The following IQCM variants were observed in gnomAD, a reference collection of about 807,000 sequenced individuals.
IQCM encodes the protein IQ domain-containing protein M.
In IQCM, 45 loss-of-function variants were observed where a neutral mutation model predicts 57.6. The observed-to-expected ratio is 0.78, with a 90% confidence interval of 0.62 to 1.00. The LOEUF is 1.00. Among genes scored for constraint, IQCM ranks in the 50% least tolerant of loss-of-function variants. The pLI is 0.00. For synonymous variants in IQCM, 148 were observed against 158.9 expected (o/e 0.93, Z 0.51); for missense variants, 468 against 511.6 (o/e 0.91, Z 0.82).
chr4:149,646,370 G>GT (rs199868228), intron 7 of IQCM, among the ~76,000 whole-genome samples: 26 of 150,284 alleles, frequency 1.7e-4, no homozygotes, highest in East Asian at 3.9e-4. Flanking sequence ...GATTCTTGAG[G>GT]TTTTTTTTTA....
Position 149,351,851 on chromosome 4 carries a change from C to A in IQCM, c.*100G>T. 5.0e-6 allele frequency: 2 copies of A among 396,134 alleles called. No homozygotes were observed. Among genetic ancestry groups the A allele is most frequent in the Non-Finnish European group, 8.9e-6 (2 of 224,828 alleles). The allele number at this position is 396,134 out of a possible 1,614,324, so 24.5% of individuals were successfully genotyped here. ...TCTTTCTATATTCAAAGATTTTTAT[C>A]CTTTCTTCCTACTCATACAGAATTG... On this transcript the variant is annotated 3_prime_UTR_variant, in exon 14 of 14. Coordinates refer to ENST00000636793, the MANE Select transcript of IQCM (RefSeq NM_001363507.2).
intron 2 of IQCM, among the ~76,000 whole-genome samples, chr4:149,770,115 T>G (rs1334658218): frequency 6.8e-6 from 1 of 147,240 alleles, no homozygotes; most frequent in African/African-American, 2.4e-5. Context: ...AAAAACTGGG[T>G]GAAGACACAA....
At chr4:149,465,349 C>T (rs1342259160) in intron 12 of IQCM, among the ~76,000 whole-genome samples, 1 of 151,996 alleles carries the variant, frequency 6.6e-6, no homozygotes, top group African/African-American at 2.4e-5. Flanking sequence ...TGTGGCACAG[C>T]CACTAGACAG....
chr4:149,356,525 T>C (rs970475303), intron 13 of IQCM, among the ~76,000 whole-genome samples: 1 of 152,264 alleles, frequency 6.6e-6, no homozygotes, highest in Non-Finnish European at 1.5e-5. Context: ...TGCTTGTTTT[T>C]CTCAGGTTTG....
chr4:149,363,782 C>A (rs1729652734), intron 13 of IQCM, among the ~76,000 whole-genome samples: 2 of 152,144 alleles, frequency 1.3e-5, no homozygotes, highest in Non-Finnish European at 2.9e-5. Context: ...AGACATATAG[C>A]TATTTAATAA....
intron 13 of IQCM, among the ~76,000 whole-genome samples, chr4:149,411,040 T>G (rs1733349915): frequency 6.6e-6 from 1 of 152,140 alleles, no homozygotes; most frequent in Non-Finnish European, 1.5e-5. Context: ...TCTTCTTTGT[T>G]GCCATTGATA....
At chr4:149,751,602 CT>C (rs1485177786) in intron 2 of IQCM, among the ~76,000 whole-genome samples, 2 of 152,178 alleles carry the variant, frequency 1.3e-5, no homozygotes, top group African/African-American at 4.8e-5. Flanking sequence ...ATTGTATAAT[CT>C]TTATATCTCA....
At chr4:149,615,222 A>G (rs1479962335) in intron 8 of IQCM, among the ~76,000 whole-genome samples, 1 of 152,138 alleles carries the variant, frequency 6.6e-6, no homozygotes, top group African/African-American at 2.4e-5. Context: ...CTTTTAAAGA[A>G]GAGTTATGAT....
At chr4:149,481,670 T>C (rs1430717057) in intron 12 of IQCM, among the ~76,000 whole-genome samples, 2 of 146,860 alleles carry the variant, frequency 1.4e-5, no homozygotes. Context: ...TGGTATATTT[T>C]GAAGTCATGT....
At chr4:149,799,238 G>T (rs147298541) in intron 2 of IQCM, among the ~76,000 whole-genome samples, 4,337 of 151,682 alleles carry the variant, frequency 0.029, 211 homozygotes, top group African/African-American at 0.099. Context: ...ATATGCTCCT[G>T]AAAGACCAGT....
At chr4:149,714,532 C>T (rs1234973058) in intron 5 of IQCM, among the ~76,000 whole-genome samples, 1 of 152,110 alleles carries the variant, frequency 6.6e-6, no homozygotes, top group African/African-American at 2.4e-5. Flanking sequence ...GTAGTACTCC[C>T]TTATCTGAGG....
chr4:149,521,857 G>A (rs955550784), intron 12 of IQCM, among the ~76,000 whole-genome samples: 1 of 152,182 alleles, frequency 6.6e-6, no homozygotes, highest in African/African-American at 2.4e-5. Context: ...GATGGGCCTG[G>A]AGAGCATGAG....
chr4:149,713,787 A>AGC (rs1453777291), intron 5 of IQCM, among the ~76,000 whole-genome samples: 1 of 152,116 alleles, frequency 6.6e-6, no homozygotes, highest in African/African-American at 2.4e-5. Flanking sequence ...ATATTACAAC[A>AGC]GCTCTCATCC....
At chr4:149,738,289 C>T (rs535800709) in intron 3 of IQCM, among the ~76,000 whole-genome samples, 1 of 152,170 alleles carries the variant, frequency 6.6e-6, no homozygotes, top group African/African-American at 2.4e-5. Flanking sequence ...TGGTGAGATA[C>T]GCACGTTTCC....
At chr4:149,490,655 C>T (rs1503691) in intron 12 of IQCM, among the ~76,000 whole-genome samples, 23,289 of 151,928 alleles carry the variant, frequency 0.15, 2,157 homozygotes, top group South Asian at 0.33. Context: ...TTCATTACAA[C>T]GCATTTTCCT....
At chr4:149,564,113 A>G (rs929459616) in intron 9 of IQCM, among the ~76,000 whole-genome samples, 6 of 152,318 alleles carry the variant, frequency 3.9e-5, no homozygotes, top group African/African-American at 1.4e-4. Flanking sequence ...CCTTCTAATG[A>G]AAAGAAATCC....
At chr4:149,699,695 CAAAAAAAAAAA>C (rs34250922) in intron 5 of IQCM, among the ~76,000 whole-genome samples, 7 of 25,938 alleles carry the variant, frequency 2.7e-4, no homozygotes, top group Admixed American at 4.1e-4. Flanking sequence ...GTTTGAGTGG[CAAAAAAAAAAA>C]AAAAAAAAAA....
chr4:149,688,026 CT>C (rs1457413041), intron 5 of IQCM, among the ~76,000 whole-genome samples: 1 of 151,866 alleles, frequency 6.6e-6, no homozygotes, highest in African/African-American at 2.4e-5. Flanking sequence ...AGCATTCCTT[CT>C]GAGAACTGAA....
intron 12 of IQCM, among the ~76,000 whole-genome samples, chr4:149,446,253 A>C (rs188960995): frequency 4.0e-5 from 6 of 151,870 alleles, no homozygotes; most frequent in Admixed American, 2.0e-4. Context: ...AGATATATTT[A>C]TAAAAAAGCT....
Sources: gnomAD v4.1 joint callset for allele counts (sites outside exome capture counted in the v4.1 genomes callset) on GRCh38, gnomAD v4.1.1 for gene constraint, MANE v1.5 for transcripts, NCBI Gene and HGNC (gene_info 2026-07-23, HGNC 2026-07-21) for gene names.